VGLL3: variants seen among roughly 807,000 people sequenced by gnomAD.
The protein encoded by VGLL3 is vestigial like family member 3, also known as transcription cofactor vestigial-like protein 3.
VGLL3 carries 18 observed loss-of-function variants against 29.2 expected under a neutral mutation model. The ratio of observed to expected loss-of-function variants is 0.62; its 90% CI spans 0.43 to 0.91. The LOEUF (loss-of-function observed/expected upper bound fraction) is 0.91. Ranked by LOEUF, VGLL3 falls within the 40% of genes least tolerant of loss-of-function variation. VGLL3 has a pLI of 0.00. For synonymous variants in VGLL3, 180 were observed against 151.8 expected (o/e 1.19, Z -1.36); for missense variants, 440 against 413.2 (o/e 1.06, Z -0.56).
At chr3:86,962,253 A>T in intron 3 of VGLL3, 1 of 985,456 alleles carries the variant, frequency 1.0e-6, no homozygotes, top group African/African-American at 1.7e-5. Flanking sequence ...TACCTGTTCA[A>T]CAGAGGGAGC....
intron 3 of VGLL3, among the ~76,000 whole-genome samples, chr3:86,954,589 A>C (rs1704679654): frequency 6.6e-6 from 1 of 152,196 alleles, no homozygotes; most frequent in African/African-American, 2.4e-5. Flanking sequence ...CCTTGTGGAC[A>C]TATATAAAAA....
At chr3:86,959,618 C>A (rs1371906935) in intron 3 of VGLL3, among the ~76,000 whole-genome samples, 3 of 152,068 alleles carry the variant, frequency 2.0e-5, no homozygotes, top group Admixed American at 2.0e-4. Context: ...GGAATTGGAG[C>A]ATTATTATAT....
intron 2 of VGLL3, among the ~76,000 whole-genome samples, chr3:86,975,451 C>A (rs1237351350): frequency 6.6e-6 from 1 of 152,010 alleles, no homozygotes; most frequent in Non-Finnish European, 1.5e-5. Context: ...TTTGAAATTA[C>A]AGAACTTTAC....
chr3:86,987,261 C>T (rs1705463787), intron 1 of VGLL3, among the ~76,000 whole-genome samples: 1 of 152,148 alleles, frequency 6.6e-6, no homozygotes, highest in African/African-American at 2.4e-5. Context: ...AATTTTATGA[C>T]TCAACCAACG....
At chr3:86,988,465 A>G (rs1705497668) in intron 1 of VGLL3, among the ~76,000 whole-genome samples, 1 of 151,894 alleles carries the variant, frequency 6.6e-6, no homozygotes, top group Admixed American at 6.6e-5. Flanking sequence ...CACGCATTGC[A>G]TAGTCTAAAA....
At position 86,988,640 on chromosome 3, in the gene VGLL3, C is replaced by CAAAAAAAAAA; in HGVS notation, c.126+1968_126+1977dup. ...TGGTCAAACAGTTTCTTTACTTGACCAAAAAAAAAAAAAAAAAAAAAAAAA... is the reference window on the plus strand; with the variant it reads ...TGGTCAAACAGTTTCTTTACTTGACCAAAAAAAAAAAAAAAAAAAAAAAAAAAAAAAAAAA... On this transcript the variant is annotated intron_variant, in intron 1 of 3. Transcript: ENST00000398399. 3.1e-3 allele frequency among the ~76,000 whole-genome samples: 43 copies of CAAAAAAAAAA among 13,752 alleles called. 2 individuals are homozygous for CAAAAAAAAAA. Among genetic ancestry groups the CAAAAAAAAAA allele is most frequent in the African/African-American group, 3.8e-3 (32 of 8,314 alleles). 9.0% of individuals were successfully genotyped at this position (13,752 alleles called of 152,430 possible).
intron 1 of VGLL3, 66 bp from the exon 2 acceptor site, chr3:86,978,868 T>C: frequency 6.8e-7 from 1 of 1,464,870 alleles, no homozygotes; most frequent in South Asian, 1.4e-5. Flanking sequence ...CTAGTTAAGT[T>C]TTCACTTTTT....
rs1704445513 is a variant in VGLL3 at position 86,943,704 on chromosome 3, C to T, written c.*3320G>A. 6.6e-6 allele frequency: 1 copy of T among 152,078 alleles called. No homozygotes were observed. Among genetic ancestry groups the T allele is most frequent in the African/African-American group, 2.4e-5 (1 of 41,408 alleles). 9.4% of individuals were successfully genotyped at this position (152,078 alleles called of 1,614,324 possible). A position where few individuals can be genotyped will look rare whatever the true frequency, so the allele number is the denominator to read the frequency against. On this transcript the variant is annotated 3_prime_UTR_variant, in exon 4 of 4. Coordinates refer to ENST00000398399, the MANE Select transcript of VGLL3 (RefSeq NM_016206.4). ...AGGGTGCTTAACTTTCTTAAGAAGA[C>T]ACATTGATTTCTCAAAAGTTTAGAG...
intron 1 of VGLL3, among the ~76,000 whole-genome samples, chr3:86,979,024 A>T (rs1313451706): frequency 6.6e-6 from 1 of 152,226 alleles, no homozygotes; most frequent in African/African-American, 2.4e-5. Flanking sequence ...ACATTTGGCA[A>T]ACGAACATAA....
At chr3:86,982,743 T>G (rs72916100) in intron 1 of VGLL3, among the ~76,000 whole-genome samples, 13,278 of 152,162 alleles carry the variant, frequency 0.087, 1,569 homozygotes, top group African/African-American at 0.26. Flanking sequence ...CTGCAGAAAT[T>G]TTAACAAAAA....
chr3:86,958,002 C>T (rs536113654), intron 3 of VGLL3, among the ~76,000 whole-genome samples: 26 of 152,204 alleles, frequency 1.7e-4, no homozygotes, highest in Non-Finnish European at 2.2e-4. Context: ...ATGATATGTA[C>T]GTGCACATAC....
At position 86,978,706 on chromosome 3, in the gene VGLL3, T is replaced by TCTCCTCCTCCTC; in HGVS notation, c.211_222dup (p.Glu71_Glu74dup). Reference sequence around the variant, plus strand: ...TACTCCATCTCGGCAGGCTGGTCTTTCTCCTCCTCCTCCTCCTCCTCATCC... The same window carrying TCTCCTCCTCCTC: ...TACTCCATCTCGGCAGGCTGGTCTTTCTCCTCCTCCTCCTCCTCCTCCTCCTCCTCCTCATCC... On this transcript the variant is annotated inframe_insertion, in exon 2 of 4. Transcript: ENST00000398399. 1 of 1,612,110 alleles carries TCTCCTCCTCCTC rather than the reference T, an allele frequency of 6.2e-7. No individual in the cohort carries two copies. Among genetic ancestry groups the TCTCCTCCTCCTC allele is most frequent in the Non-Finnish European group, 8.5e-7 (1 of 1,179,106 alleles).
chr3:86,944,172 C>T lies in VGLL3; in HGVS notation c.*2852G>A, dbSNP rs1704457883. The T allele has an allele frequency of 6.6e-6, 1 of 152,154 alleles. No homozygotes were observed. 9.4% of individuals were successfully genotyped at this position (152,154 alleles called of 1,614,324 possible). A position where few individuals can be genotyped will look rare whatever the true frequency, so the allele number is the denominator to read the frequency against. On this transcript the variant is annotated 3_prime_UTR_variant, in exon 4 of 4. Transcript: ENST00000398399. ...TAGAAGACAATTATAGAGACATGCT[C>T]ATTCTCTTTCTATGTATATTTTTGA...
At chr3:86,950,442 AAG>A (rs1194564919) in intron 3 of VGLL3, among the ~76,000 whole-genome samples, 1 of 152,100 alleles carries the variant, frequency 6.6e-6, no homozygotes, top group Non-Finnish European at 1.5e-5. Flanking sequence ...AGGATTTTAA[AAG>A]AGGTGGTCTG....
intron 3 of VGLL3, among the ~76,000 whole-genome samples, chr3:86,954,958 C>G (rs1704689005): frequency 1.3e-5 from 2 of 150,388 alleles, no homozygotes; most frequent in African/African-American, 2.5e-5. Flanking sequence ...TTATAATAGT[C>G]TCAAGAGATT....
intron 3 of VGLL3, among the ~76,000 whole-genome samples, chr3:86,952,796 C>T (rs1331854403): frequency 2.0e-5 from 3 of 152,142 alleles, no homozygotes; most frequent in Non-Finnish European, 2.9e-5. Context: ...GATGCTACAT[C>T]AAAATATCCA....
In VGLL3 at chr3:86,949,782, A is replaced by C. The variant is rs28639867; in HGVS notation, c.938-2715T>G. 5.5e-4 allele frequency among the ~76,000 whole-genome samples: 82 copies of C among 149,748 alleles called. No individual in the cohort carries two copies. In the South Asian group the frequency reaches 6.8e-3, roughly 12 times the overall value. ...GCAGAGCTCACAGTGAGCCGAGATC[A>C]TGCCACTGCACTCCAGCCTGGGTGA... On this transcript the variant is annotated intron_variant, in intron 3 of 3. Transcript: ENST00000398399.
rs552578810 is a variant in VGLL3 at position 86,939,620 on chromosome 3, T to TCAAAA, written c.*7399_*7403dup. On this transcript the variant is annotated 3_prime_UTR_variant, in exon 4 of 4. Coordinates refer to ENST00000398399, the MANE Select transcript of VGLL3 (RefSeq NM_016206.4). ...AGCCTGACGACAGAGCAAGACTCCA[T>TCAAAA]CAAAACAAAACAAAACAAAACAAAA... 219 of 153,008 alleles carry TCAAAA rather than the reference T, an allele frequency of 1.4e-3. 1 individual carries two copies. Among genetic ancestry groups the TCAAAA allele is most frequent in the Middle Eastern group, 0.013 (4 of 304 alleles). The allele number at this position is 153,008 out of a possible 1,614,324, so 9.5% of individuals were successfully genotyped here. A position where few individuals can be genotyped will look rare whatever the true frequency, so the allele number is the denominator to read the frequency against.
intron 3 of VGLL3, among the ~76,000 whole-genome samples, chr3:86,953,735 T>C (rs1051790895): frequency 1.3e-5 from 2 of 152,192 alleles, no homozygotes; most frequent in African/African-American, 4.8e-5. Context: ...CACATGTTTA[T>C]GCTTTTTAAA....
Sources: gnomAD v4.1 joint callset for allele counts (sites outside exome capture counted in the v4.1 genomes callset) on GRCh38, gnomAD v4.1.1 for gene constraint, MANE v1.5 for transcripts, NCBI Gene and HGNC (gene_info 2026-07-23, HGNC 2026-07-21) for gene names.